Variants in CDH13 observed in about 807,000 individuals in gnomAD.
CDH13 encodes cadherin 13, also known as cadherin-13.
A neutral mutation model predicts 63.8 loss-of-function variants in CDH13; 24 were observed. That is an observed-to-expected ratio of 0.38 (90% CI 0.27 to 0.53). CDH13 has a LOEUF of 0.53. Ranked by LOEUF, CDH13 falls within the 20% of genes least tolerant of loss-of-function variation. CDH13 has a pLI of 0.85. For missense variants in CDH13, 1,049 were observed against 903.1 expected, an observed-to-expected ratio of 1.16 and a Z score of -2.07; for synonymous variants, 503 against 355.3, an observed-to-expected ratio of 1.42 and a Z score of -4.67.
chr16:83,053,028 G>A (rs1235148229), intron 3 of CDH13, among the ~76,000 whole-genome samples: 2 of 152,004 alleles, frequency 1.3e-5, no homozygotes, highest in African/African-American at 4.8e-5. Context: ...TCTTTTCGAA[G>A]GCCTAACTTT....
At chr16:83,151,548 T>A (rs2036980928) in intron 4 of CDH13, among the ~76,000 whole-genome samples, 1 of 152,198 alleles carries the variant, frequency 6.6e-6, no homozygotes. Flanking sequence ...GGCGGTGGAT[T>A]TGGACAAGAA....
chr16:82,657,308 G>C (rs2150919028), intron 1 of CDH13, among the ~76,000 whole-genome samples: 1 of 152,300 alleles, frequency 6.6e-6, no homozygotes, highest in South Asian at 2.1e-4. Flanking sequence ...CATGTGGGCT[G>C]TCTCTCTCAA....
chr16:82,940,658 G>C (rs775177954), intron 2 of CDH13, among the ~76,000 whole-genome samples: 2 of 152,098 alleles, frequency 1.3e-5, no homozygotes, highest in African/African-American at 2.4e-5. Flanking sequence ...CAGCGTCTAC[G>C]TTTGTTTTCT....
chr16:82,953,410 G>C (rs1905578116), intron 2 of CDH13: 1 of 152,156 alleles, frequency 6.6e-6, no homozygotes, highest in African/African-American at 2.4e-5. Flanking sequence ...GACCCTGATG[G>C]TGGCAATGAA....
At chr16:83,007,692 C>G (rs558606391) in intron 2 of CDH13, among the ~76,000 whole-genome samples, 1 of 152,028 alleles carries the variant, frequency 6.6e-6, no homozygotes, top group South Asian at 2.1e-4. Context: ...GGCAGGGTGG[C>G]TTGTGCCTGT....
chr16:82,890,492 G>C (rs1259101676), intron 2 of CDH13, among the ~76,000 whole-genome samples: 1 of 152,132 alleles, frequency 6.6e-6, no homozygotes, highest in Non-Finnish European at 1.5e-5. Flanking sequence ...AATCTCATTG[G>C]TGTCAGCTAT....
chr16:83,744,266 C>T (rs999972626), intron 10 of CDH13, among the ~76,000 whole-genome samples: 9 of 152,146 alleles, frequency 5.9e-5, no homozygotes, highest in African/African-American at 2.2e-4. Flanking sequence ...GCATGTGCCT[C>T]GCACAGACCT....
chr16:82,985,969 A>C (rs931226820), intron 2 of CDH13, among the ~76,000 whole-genome samples: 1 of 152,022 alleles, frequency 6.6e-6, no homozygotes, highest in Non-Finnish European at 1.5e-5. Flanking sequence ...AAGCCTCCCC[A>C]CAAGCAGAGC....
intron 3 of CDH13, among the ~76,000 whole-genome samples, chr16:83,033,497 T>A (rs555174668): frequency 2.3e-4 from 35 of 152,308 alleles, no homozygotes; most frequent in African/African-American, 8.2e-4. Flanking sequence ...ATACACATAC[T>A]ATATATGCGC....
Position 83,670,680 on chromosome 16 carries a change from A to G in CDH13, c.1102-110A>G. On this transcript the variant is annotated intron_variant, in intron 8 of 13. Transcript: ENST00000567109. ...CTTCCAACCGTAATCCTCTTATGTTATTATTTATTTTTAAGTGAGATGATG... is the reference window on the plus strand; with the variant it reads ...CTTCCAACCGTAATCCTCTTATGTTGTTATTTATTTTTAAGTGAGATGATG... The G allele has an allele frequency of 2.1e-6, 2 of 961,322 alleles. 1 individual carries two copies. The highest frequency in any genetic ancestry group is 3.0e-5 in the South Asian group (2 of 65,770). 59.5% of individuals were successfully genotyped at this position (961,322 alleles called of 1,614,324 possible). A position where few individuals can be genotyped will look rare whatever the true frequency, so the allele number is the denominator to read the frequency against.
chr16:83,645,162 A>G (rs918685), intron 8 of CDH13, among the ~76,000 whole-genome samples: 151,863 of 152,362 alleles, frequency 1, 75,684 homozygotes, highest in Middle Eastern at 1. Context: ...TACATCAACG[A>G]TTGACTGGTT....
chr16:82,869,083 G>T (rs1048238549), intron 2 of CDH13, among the ~76,000 whole-genome samples: 1 of 152,188 alleles, frequency 6.6e-6, no homozygotes, highest in Non-Finnish European at 1.5e-5. Flanking sequence ...GTCTCTCCCT[G>T]TTACCCAGGC....
chr16:82,904,937 C>G lies in CDH13; in HGVS notation c.157+46464C>G, dbSNP rs9929962. On this transcript the variant is annotated intron_variant, in intron 2 of 13. Transcript: ENST00000567109. ...TTCTCCCATGGAGTGCAGTTTCTCC[C>G]TAAATGAACCCAGGTTTCTCCCATG... Among the ~76,000 whole-genome samples the G allele has an allele frequency of 3.2e-3, 485 of 152,294 alleles. 4 individuals are homozygous for G. Among genetic ancestry groups the G allele is most frequent in the African/African-American group, 0.011 (469 of 41,554 alleles).
At chr16:83,752,748 T>G (rs1419783079) in intron 11 of CDH13, among the ~76,000 whole-genome samples, 2 of 152,206 alleles carry the variant, frequency 1.3e-5, no homozygotes, top group Non-Finnish European at 2.9e-5. Context: ...ATATACAAAA[T>G]GAAGAAGATA....
At chr16:83,569,688 C>A (rs1360076779) in intron 7 of CDH13, among the ~76,000 whole-genome samples, 5 of 152,156 alleles carry the variant, frequency 3.3e-5, no homozygotes, top group African/African-American at 1.2e-4. Context: ...GTCCAGGCAT[C>A]TAACTCTCTG....
intron 6 of CDH13, among the ~76,000 whole-genome samples, chr16:83,443,735 A>AAT (rs1192288855): frequency 0.022 from 431 of 19,990 alleles, 9 homozygotes; most frequent in African/African-American, 0.048. Context: ...AAAAAAAAAA[A>AAT]ATATATATAT....
intron 8 of CDH13, among the ~76,000 whole-genome samples, chr16:83,668,224 C>G (rs1914179533): frequency 6.6e-6 from 1 of 152,180 alleles, no homozygotes; most frequent in South Asian, 2.1e-4. Context: ...ATCCCACTTC[C>G]TATACTTAAG....
At chr16:83,251,191 G>T (rs12716969) in intron 5 of CDH13, among the ~76,000 whole-genome samples, 9 of 151,984 alleles carry the variant, frequency 5.9e-5, no homozygotes, top group Admixed American at 3.3e-4. Context: ...GGGGAAAATG[G>T]GTAAAGGGTA....
intron 2 of CDH13, among the ~76,000 whole-genome samples, chr16:82,908,394 A>T (rs566653784): frequency 6.6e-6 from 1 of 152,276 alleles, no homozygotes; most frequent in East Asian, 1.9e-4. Context: ...GGTGCAGCTC[A>T]TGGAACACTG....
Sources: gnomAD v4.1 joint callset for allele counts (sites outside exome capture counted in the v4.1 genomes callset) on GRCh38, gnomAD v4.1.1 for gene constraint, MANE v1.5 for transcripts, NCBI Gene and HGNC (gene_info 2026-07-23, HGNC 2026-07-21) for gene names.